The following CSNK1G3 variants were observed in gnomAD, a reference collection of about 807,000 sequenced individuals.
The protein encoded by CSNK1G3 is casein kinase 1 gamma 3, also known as casein kinase I isoform gamma-3.
In CSNK1G3, 23 loss-of-function variants were observed where a neutral mutation model predicts 64.3. That is an observed-to-expected ratio of 0.36 (90% confidence interval 0.26 to 0.51). The LOEUF (loss-of-function observed/expected upper bound fraction) is 0.51. Ranked by LOEUF, CSNK1G3 falls within the 20% of genes least tolerant of loss-of-function variation. CSNK1G3 has a pLI of 0.96. For missense variants in CSNK1G3, 357 were observed against 510.5 expected (o/e 0.70, Z 2.90); for synonymous variants, 158 against 162.2 (o/e 0.97, Z 0.20).
At chr5:123,584,200 G>A (rs768114796) in intron 6 of CSNK1G3, among the ~76,000 whole-genome samples, 1 of 152,126 alleles carries the variant, frequency 6.6e-6, no homozygotes, top group Admixed American at 6.5e-5. Context: ...AGAACTTCCA[G>A]TACAATACTG....
chr5:123,553,053 A>G, intron 2 of CSNK1G3, 54 bp from the exon 3 acceptor site: 2 of 972,574 alleles, frequency 2.1e-6, no homozygotes, highest in Non-Finnish European at 3.0e-6. Context: ...GTTTTATATA[A>G]TGTATCTTTA....
At chr5:123,606,536 A>G (rs914445305) in intron 12 of CSNK1G3, among the ~76,000 whole-genome samples, 7 of 152,180 alleles carry the variant, frequency 4.6e-5, no homozygotes, top group Admixed American at 6.6e-5. Flanking sequence ...TACCTACTTC[A>G]TAGGTTGAGA....
At position 123,594,890 on chromosome 5, in the gene CSNK1G3, A is replaced by T. The variant is rs188571355; in HGVS notation, c.1086+3476A>T. On this transcript the variant is annotated intron_variant, in intron 10 of 12. Coordinates refer to ENST00000345990, the Ensembl canonical transcript of CSNK1G3. ...TAATTAAAATCACTCCACATTCTGT[A>T]TACAAAGATAACTGCACCATGATTC... 561 of 577,794 alleles carry T rather than the reference A, an allele frequency of 9.7e-4. 3 individuals are homozygous for T. The highest frequency in any genetic ancestry group is 9.7e-3 in the African/African-American group (504 of 51,912). 35.8% of individuals were successfully genotyped at this position (577,794 alleles called of 1,614,324 possible).
At chr5:123,585,769 C>T (rs1218691839) in intron 6 of CSNK1G3, among the ~76,000 whole-genome samples, 5 of 152,202 alleles carry the variant, frequency 3.3e-5, no homozygotes, top group Non-Finnish European at 7.3e-5. Context: ...TTCATAGCCA[C>T]TAGCATGGCT....
chr5:123,533,564 G>A (rs940285670), intron 1 of CSNK1G3, among the ~76,000 whole-genome samples: 2 of 151,118 alleles, frequency 1.3e-5, no homozygotes, highest in Non-Finnish European at 3.0e-5. Context: ...GGAAGTTGGA[G>A]GTATTGGATT....
At chr5:123,616,982 T>G (rs1020229138) in exon 13 of CSNK1G3, 5 of 151,990 alleles carry the variant, frequency 3.3e-5, no homozygotes, top group African/African-American at 4.8e-5. Context: ...TTCTTTAATA[T>G]AAAAAAAATT....
intron 6 of CSNK1G3, among the ~76,000 whole-genome samples, chr5:123,583,523 G>C (rs1190809600): frequency 6.6e-6 from 1 of 152,112 alleles, no homozygotes; most frequent in African/African-American, 2.4e-5. Flanking sequence ...ACCATGCCCA[G>C]CTAATTTTTT....
chr5:123,558,507 C>T (rs1051568794), intron 4 of CSNK1G3, among the ~76,000 whole-genome samples: 1 of 152,118 alleles, frequency 6.6e-6, no homozygotes, highest in African/African-American at 2.4e-5. Context: ...GGAATTTCTT[C>T]ATGTATCTTT....
At chr5:123,537,043 C>T (rs1484040400) in intron 1 of CSNK1G3, among the ~76,000 whole-genome samples, 1 of 152,082 alleles carries the variant, frequency 6.6e-6, no homozygotes, top group African/African-American at 2.4e-5. Flanking sequence ...TCTCAAATAA[C>T]TGAAAATAGA....
chr5:123,579,362 A>G (rs1205655973), intron 6 of CSNK1G3, among the ~76,000 whole-genome samples: 1 of 151,510 alleles, frequency 6.6e-6, no homozygotes, highest in East Asian at 1.9e-4. Context: ...TTATTCAGTT[A>G]ATATGTTCAG....
At chr5:123,534,634 G>A (rs143460790) in intron 1 of CSNK1G3, among the ~76,000 whole-genome samples, 31 of 152,144 alleles carry the variant, frequency 2.0e-4, no homozygotes, top group African/African-American at 7.0e-4. Flanking sequence ...CAAAAAGCTG[G>A]GGCTCTCAGT....
chr5:123,543,984 A>C (rs1782112140), intron 1 of CSNK1G3, among the ~76,000 whole-genome samples: 1 of 152,138 alleles, frequency 6.6e-6, no homozygotes, highest in Non-Finnish European at 1.5e-5. Flanking sequence ...AAAAGAAAAA[A>C]CAGATAAACT....
chr5:123,564,951 T>C (rs921893903), intron 4 of CSNK1G3, among the ~76,000 whole-genome samples: 3 of 152,184 alleles, frequency 2.0e-5, no homozygotes, highest in African/African-American at 7.2e-5. Context: ...TTTTTGAGTA[T>C]CTCAGAGCAC....
chr5:123,548,409 T>C (rs889732807), intron 2 of CSNK1G3, among the ~76,000 whole-genome samples: 15 of 134,948 alleles, frequency 1.1e-4, no homozygotes, highest in Non-Finnish European at 1.7e-4. Context: ...CAGTGACCTG[T>C]GATTGTGCCA....
chr5:123,571,706 AAAACG>A (rs1357500145), intron 4 of CSNK1G3, among the ~76,000 whole-genome samples: 6 of 152,182 alleles, frequency 3.9e-5, no homozygotes, highest in Non-Finnish European at 8.8e-5. Context: ...TTATATTTAA[AAAACG>A]TTTTATTAAA....
chr5:123,552,695 T>C (rs1368839917), intron 2 of CSNK1G3, among the ~76,000 whole-genome samples: 1 of 152,202 alleles, frequency 6.6e-6, no homozygotes, highest in Non-Finnish European at 1.5e-5. Context: ...TAAGATTACA[T>C]CTCATAATAA....
chr5:123,539,637 T>C (rs1781379556), intron 1 of CSNK1G3, among the ~76,000 whole-genome samples: 1 of 152,142 alleles, frequency 6.6e-6, no homozygotes, highest in Non-Finnish European at 1.5e-5. Flanking sequence ...CAGGTTTAAT[T>C]TTCTTTGCTC....
At chr5:123,595,928 A>G (rs140560276) in intron 10 of CSNK1G3, among the ~76,000 whole-genome samples, 2 of 152,206 alleles carry the variant, frequency 1.3e-5, no homozygotes, top group Non-Finnish European at 2.9e-5. Flanking sequence ...TAAGTGAGAT[A>G]ACAAATGTTA....
At chr5:123,564,278 G>C (rs987449391) in intron 4 of CSNK1G3, among the ~76,000 whole-genome samples, 2 of 152,028 alleles carry the variant, frequency 1.3e-5, no homozygotes, top group African/African-American at 4.8e-5. Context: ...GCAGGCATTA[G>C]TGTTGTGTGT....
Sources: gnomAD v4.1 joint callset for allele counts (sites outside exome capture counted in the v4.1 genomes callset) on GRCh38, gnomAD v4.1.1 for gene constraint, MANE v1.5 for transcripts, NCBI Gene and HGNC (gene_info 2026-07-23, HGNC 2026-07-21) for gene names.